Variants in BCAS3 observed in about 807,000 individuals in gnomAD.
BCAS3 encodes the protein BCAS4/BCAS3 fusion.
In BCAS3, 53 loss-of-function variants were observed where a neutral mutation model predicts 116.1. That is an observed-to-expected ratio of 0.46 (90% CI 0.37 to 0.57). The LOEUF is 0.57. Among genes scored for constraint, BCAS3 ranks in the 20% least tolerant of loss-of-function variants. BCAS3 has a pLI of 0.00. For missense variants in BCAS3, 917 were observed against 1,165.4 expected, an observed-to-expected ratio of 0.79 and a Z score of 3.10; for synonymous variants, 391 against 408.2, an observed-to-expected ratio of 0.96 and a Z score of 0.51.
intron 14 of BCAS3, among the ~76,000 whole-genome samples, chr17:60,955,475 A>T (rs987711572): frequency 1.3e-5 from 2 of 148,384 alleles, no homozygotes; most frequent in Non-Finnish European, 3.0e-5. Context: ...CAACCTCCCG[A>T]CTGCCTGGTT....
At chr17:60,938,686 C>T (rs146463961) in intron 13 of BCAS3, among the ~76,000 whole-genome samples, 1 of 151,534 alleles carries the variant, frequency 6.6e-6, no homozygotes, top group East Asian at 1.9e-4. Flanking sequence ...AGCCATGCCA[C>T]AGACTGGGAG....
intron 22 of BCAS3, among the ~76,000 whole-genome samples, chr17:61,298,774 C>T (rs1314533241): frequency 6.6e-6 from 1 of 151,548 alleles, no homozygotes; most frequent in Non-Finnish European, 1.5e-5. Flanking sequence ...CCTTCCAGTT[C>T]AAAGTAGTCA....
At chr17:61,010,667 G>A (rs2065051671) in intron 15 of BCAS3, among the ~76,000 whole-genome samples, 1 of 151,944 alleles carries the variant, frequency 6.6e-6, no homozygotes, top group Admixed American at 6.6e-5. Flanking sequence ...AACATCAAGG[G>A]ATGTTTTAAA....
rs1210781049 is a variant in BCAS3 at position 61,285,719 on chromosome 17, G to A, written c.2426-82608G>A. Among the ~76,000 whole-genome samples, 2 of 152,190 alleles carry A rather than the reference G, an allele frequency of 1.3e-5. No homozygotes were observed. Among genetic ancestry groups the A allele is most frequent in the African/African-American group, 4.8e-5 (2 of 41,436 alleles). Reference sequence around the variant, plus strand: ...ACTAACTGAAGTACTGTGGGTGGCCGATAAGGCTTGTTTATCCAGGAGACA... The same window carrying A: ...ACTAACTGAAGTACTGTGGGTGGCCAATAAGGCTTGTTTATCCAGGAGACA... On this transcript the variant is annotated intron_variant, in intron 22 of 23. Coordinates refer to ENST00000407086, the MANE Select transcript of BCAS3 (RefSeq NM_017679.5). This position sits in a 1 kb window ranked among gnomAD's most constrained non-coding sequence, Gnocchi z 5.4.
At chr17:61,242,515 C>T (rs1032522726) in intron 22 of BCAS3, among the ~76,000 whole-genome samples, 1 of 152,052 alleles carries the variant, frequency 6.6e-6, no homozygotes, top group Non-Finnish European at 1.5e-5. Flanking sequence ...ATCCTTTAGA[C>T]GTGACAAGAC....
intron 23 of BCAS3, chr17:61,383,275 A>G (rs1296485998): frequency 6.6e-6 from 1 of 152,318 alleles, no homozygotes; most frequent in Non-Finnish European, 1.5e-5. Context: ...CAAAGACTCC[A>G]GAATCGTAAC....
intron 22 of BCAS3, among the ~76,000 whole-genome samples, chr17:61,108,156 T>C (rs566277097): frequency 1.3e-5 from 2 of 152,334 alleles, no homozygotes; most frequent in South Asian, 4.1e-4. Context: ...CTTTTTATCA[T>C]TATATAATGT....
chr17:60,773,942 C>T (rs748160145), intron 6 of BCAS3, among the ~76,000 whole-genome samples: 2 of 152,222 alleles, frequency 1.3e-5, no homozygotes, highest in Non-Finnish European at 2.9e-5. Flanking sequence ...CCACTTTGCC[C>T]GGCCTTACTG....
chr17:61,236,896 A>C (rs758467), intron 22 of BCAS3, among the ~76,000 whole-genome samples: 128,264 of 152,024 alleles, frequency 0.84, 54,720 homozygotes, highest in East Asian at 0.92. Context: ...AATTGGAGGC[A>C]GGAAAGTTGG....
rs2072683594 is a variant in BCAS3 at position 61,082,230 on chromosome 17, T to C, written c.2328-2237T>C. ...TATCATTTATTTTATTTTATTTAAC[T>C]GAGATATAATTCACATAACATGAAA... is the stretch of plus-strand genomic sequence containing the variant. On this transcript the variant is annotated intron_variant, in intron 21 of 23. Transcript: ENST00000407086. The surrounding 1 kb of genome is among the most constrained non-coding windows in gnomAD (Gnocchi z 5.1). 6.6e-6 allele frequency among the ~76,000 whole-genome samples: 1 copy of C among 152,230 alleles called. No homozygotes were observed. Among genetic ancestry groups the C allele is most frequent in the South Asian group, 2.1e-4 (1 of 4,838 alleles).
At chr17:61,075,704 A>G (rs1317364855) in intron 20 of BCAS3, among the ~76,000 whole-genome samples, 1 of 152,208 alleles carries the variant, frequency 6.6e-6, no homozygotes, top group Admixed American at 6.5e-5. Flanking sequence ...GAAGCCACTC[A>G]GCAATCTTTG....
intron 19 of BCAS3, among the ~76,000 whole-genome samples, chr17:61,054,498 C>CT (rs2069179402): frequency 6.6e-6 from 1 of 152,186 alleles, no homozygotes; most frequent in African/African-American, 2.4e-5. Flanking sequence ...TCCTAAGTAG[C>CT]TGGGACTACA....
At chr17:60,931,086 G>T (rs2059621558) in intron 13 of BCAS3, among the ~76,000 whole-genome samples, 1 of 151,210 alleles carries the variant, frequency 6.6e-6, no homozygotes, top group East Asian at 1.9e-4. Flanking sequence ...TTATTTATTA[G>T]CTGTGACTTT....
At chr17:61,052,178 T>C (rs2068920650) in intron 19 of BCAS3, among the ~76,000 whole-genome samples, 1 of 152,104 alleles carries the variant, frequency 6.6e-6, no homozygotes, top group South Asian at 2.1e-4. Context: ...GACCCCAGTT[T>C]TATTTACGTT....
chr17:61,094,465 CAAT>C (rs755907248), intron 22 of BCAS3, among the ~76,000 whole-genome samples: 2 of 152,138 alleles, frequency 1.3e-5, no homozygotes, highest in African/African-American at 2.4e-5. Flanking sequence ...TATTTATTAC[CAAT>C]AATAACATTC....
At chr17:61,386,793 TTTG>T (rs1228285945) in intron 23 of BCAS3, among the ~76,000 whole-genome samples, 65 of 116,492 alleles carry the variant, frequency 5.6e-4, no homozygotes, top group African/African-American at 1.6e-3. Flanking sequence ...GTTTTTGTTT[TTTG>T]TTTTTTTTTT....
At chr17:60,965,772 C>T (rs1351529658) in intron 14 of BCAS3, among the ~76,000 whole-genome samples, 1 of 152,164 alleles carries the variant, frequency 6.6e-6, no homozygotes, top group African/African-American at 2.4e-5. Flanking sequence ...GATATGGTCT[C>T]TTCTGGAGAA....
At chr17:60,837,936 C>T (rs977587424) in intron 7 of BCAS3, among the ~76,000 whole-genome samples, 8 of 152,070 alleles carry the variant, frequency 5.3e-5, no homozygotes, top group African/African-American at 1.4e-4. Flanking sequence ...CAGGTGTGAG[C>T]CACCGTGCCT....
At chr17:61,262,506 A>G (rs3867608) in intron 22 of BCAS3, among the ~76,000 whole-genome samples, 145,468 of 152,072 alleles carry the variant, frequency 0.96, 69,611 homozygotes, top group East Asian at 1. Context: ...TCAGCCTCCC[A>G]AGTAGCTGGG....
Sources: gnomAD v4.1 joint callset for allele counts (sites outside exome capture counted in the v4.1 genomes callset) on GRCh38, gnomAD v4.1.1 for gene constraint, Gnocchi (gnomAD v3.1) non-coding constraint, MANE v1.5 for transcripts, NCBI Gene and HGNC (gene_info 2026-07-23, HGNC 2026-07-21) for gene names.